The following OPCML variants were observed in gnomAD, a reference collection of about 807,000 sequenced individuals.
OPCML encodes opioid-binding protein/cell adhesion molecule.
In OPCML, 13 loss-of-function variants were observed where a neutral mutation model predicts 37.8. That is an observed-to-expected ratio of 0.34 (90% CI 0.22 to 0.55). The LOEUF (loss-of-function observed/expected upper bound fraction) is 0.55, where lower values mean the gene tolerates loss of function less well. Among genes scored for constraint, OPCML ranks in the 20% least tolerant of loss-of-function variants. The probability of loss-of-function intolerance (pLI) is 0.91; values close to 1 mark genes in which losing one functional copy is unlikely to be tolerated. For synonymous variants in OPCML, 176 were observed against 168.8 expected (o/e 1.04, Z -0.33); for missense variants, 341 against 435.6 (o/e 0.78, Z 1.93).
At chr11:132,675,561 C>A (rs1056203539) in intron 2 of OPCML, among the ~76,000 whole-genome samples, 1 of 151,722 alleles carries the variant, frequency 6.6e-6, no homozygotes, top group South Asian at 2.1e-4. Context: ...AATAAAAAAA[C>A]GCAAGTAGAA....
intron 4 of OPCML, among the ~76,000 whole-genome samples, chr11:132,441,936 G>A (rs2096037158): frequency 6.6e-6 from 1 of 152,110 alleles, no homozygotes; most frequent in Non-Finnish European, 1.5e-5. Context: ...CAAAGAGCAT[G>A]AAACATCCAC....
chr11:132,623,985 C>T (rs1438591264), intron 3 of OPCML, among the ~76,000 whole-genome samples: 1 of 152,178 alleles, frequency 6.6e-6, no homozygotes, highest in Admixed American at 6.5e-5. Flanking sequence ...TATGTTGGTG[C>T]TCCCACTTCA....
chr11:132,961,402 G>C (rs528515781), intron 1 of OPCML, among the ~76,000 whole-genome samples: 16 of 152,334 alleles, frequency 1.1e-4, no homozygotes, highest in African/African-American at 2.9e-4. Flanking sequence ...TAGAGTGTCT[G>C]ACATGGCCGT....
chr11:132,631,460 A>G (rs1940116593), intron 3 of OPCML, among the ~76,000 whole-genome samples: 1 of 149,182 alleles, frequency 6.7e-6, no homozygotes, highest in Admixed American at 6.7e-5. Flanking sequence ...ATGTATATAT[A>G]TATTTCTTTA....
chr11:132,806,235 C>T (rs1376790300), intron 2 of OPCML, among the ~76,000 whole-genome samples: 1 of 151,974 alleles, frequency 6.6e-6, no homozygotes, highest in Non-Finnish European at 1.5e-5. Flanking sequence ...AACCAAATTG[C>T]CATATGGTAG....
intron 1 of OPCML, among the ~76,000 whole-genome samples, chr11:132,945,876 G>A (rs111976830): frequency 0.12 from 17,542 of 151,984 alleles, 1,281 homozygotes; most frequent in Non-Finnish European, 0.17. Context: ...TCCACCTCCC[G>A]GGTTCACGCC....
intron 7 of OPCML, among the ~76,000 whole-genome samples, chr11:132,429,045 A>ATGGC (rs962548305): frequency 1.4e-5 from 2 of 145,264 alleles, no homozygotes; most frequent in Non-Finnish European, 3.0e-5. Flanking sequence ...GGATGGATGG[A>ATGGC]TGGATGGATG....
At chr11:133,042,524 C>A (rs909664107) in intron 1 of OPCML, among the ~76,000 whole-genome samples, 7 of 152,160 alleles carry the variant, frequency 4.6e-5, no homozygotes, top group Non-Finnish European at 1.0e-4. Context: ...CCACAGAAAT[C>A]CACTGCTCAA....
At chr11:132,762,457 T>C (rs561283690) in intron 2 of OPCML, among the ~76,000 whole-genome samples, 1 of 152,320 alleles carries the variant, frequency 6.6e-6, no homozygotes, top group East Asian at 1.9e-4. Flanking sequence ...ATGGGAGTTT[T>C]ATCTGTAAGA....
At chr11:133,348,990 AGGGGTGC>A (rs1260613566) in intron 1 of OPCML, among the ~76,000 whole-genome samples, 1 of 152,166 alleles carries the variant, frequency 6.6e-6, no homozygotes, top group Non-Finnish European at 1.5e-5. Flanking sequence ...TGTGTGTCAT[AGGGGTGC>A]GGGGGCTTCG....
At chr11:132,988,738 C>T (rs1002985610) in intron 1 of OPCML, among the ~76,000 whole-genome samples, 5 of 152,130 alleles carry the variant, frequency 3.3e-5, no homozygotes, top group Non-Finnish European at 5.9e-5. Flanking sequence ...TTTGTTTGAT[C>T]AAAGGATAAA....
chr11:132,547,084 G>A (rs970121122), intron 3 of OPCML, among the ~76,000 whole-genome samples: 1 of 152,184 alleles, frequency 6.6e-6, no homozygotes, highest in African/African-American at 2.4e-5. Context: ...CAGAGAAAAT[G>A]TCAAAGGCTT....
chr11:132,993,265 C>G (rs1229295901), intron 1 of OPCML, among the ~76,000 whole-genome samples: 1 of 152,188 alleles, frequency 6.6e-6, no homozygotes, highest in African/African-American at 2.4e-5. Flanking sequence ...TCTGTATACA[C>G]ATGTGAATCC....
intron 1 of OPCML, among the ~76,000 whole-genome samples, chr11:133,373,671 A>G (rs1032821805): frequency 1.1e-4 from 17 of 151,746 alleles, no homozygotes; most frequent in Non-Finnish European, 2.5e-4. Flanking sequence ...CAAAGAAAAT[A>G]AATTAAGTGA....
chr11:132,605,564 C>CA (rs1027176881), intron 3 of OPCML, among the ~76,000 whole-genome samples: 7 of 151,770 alleles, frequency 4.6e-5, no homozygotes, highest in African/African-American at 1.2e-4. Flanking sequence ...GACTCTGTGT[C>CA]AAAAAAATAA....
At chr11:132,694,705 T>G (rs1051318895) in intron 2 of OPCML, among the ~76,000 whole-genome samples, 1 of 152,212 alleles carries the variant, frequency 6.6e-6, no homozygotes, top group African/African-American at 2.4e-5. Flanking sequence ...CTTTCTAGAC[T>G]TTCTTGCAGC....
In OPCML at chr11:132,579,955, T is replaced by A. The variant is rs936892871; in HGVS notation, c.380-50769A>T. On this transcript the variant is annotated intron_variant, in intron 3 of 7. Transcript: ENST00000524381. ...CACTGAGAGCTGAAGTATAGAGCTT[T>A]ACGCCTTCCCTGGTATGAGTTCTCA... Among the ~76,000 whole-genome samples the A allele has an allele frequency of 2.0e-5, 3 of 152,172 alleles. No homozygotes were observed. In the South Asian group the frequency reaches 6.2e-4, roughly 31 times the overall value.
intron 3 of OPCML, among the ~76,000 whole-genome samples, chr11:132,533,234 G>A (rs2137316500): frequency 6.6e-6 from 1 of 152,284 alleles, no homozygotes; most frequent in African/African-American, 2.4e-5. Flanking sequence ...TGATGGTGGT[G>A]TTTTACAATA....
chr11:132,658,239 A>C (rs1004450159), intron 2 of OPCML, among the ~76,000 whole-genome samples: 1 of 152,238 alleles, frequency 6.6e-6, no homozygotes. Flanking sequence ...TGCACATAGG[A>C]ATGCACAAGG....
Sources: gnomAD v4.1 joint callset for allele counts (sites outside exome capture counted in the v4.1 genomes callset) on GRCh38, gnomAD v4.1.1 for gene constraint, MANE v1.5 for transcripts, NCBI Gene and HGNC (gene_info 2026-07-23, HGNC 2026-07-21) for gene names.